DOCK9: variants seen among roughly 807,000 people sequenced by gnomAD.
The protein encoded by DOCK9 is dedicator of cytokinesis 9, also known as dedicator of cytokinesis protein 9.
DOCK9 carries 89 observed loss-of-function variants against 263.3 expected under a neutral mutation model. The observed-to-expected ratio is 0.34, with a 90% CI of 0.28 to 0.40. The LOEUF (loss-of-function observed/expected upper bound fraction) is 0.40, where lower values mean the gene tolerates loss of function less well. DOCK9 is among the 10% of genes least tolerant of loss of function. DOCK9 has a pLI of 1.00. For synonymous variants in DOCK9, 976 were observed against 973.1 expected, an observed-to-expected ratio of 1.00 and a Z score of -0.06; for missense variants, 2,140 against 2,603.4, an observed-to-expected ratio of 0.82 and a Z score of 3.87.
At chr13:98,850,388 T>C (rs2093528405) in intron 35 of DOCK9, among the ~76,000 whole-genome samples, 1 of 152,230 alleles carries the variant, frequency 6.6e-6, no homozygotes, top group African/African-American at 2.4e-5. Flanking sequence ...ATTTAACTTA[T>C]TCGTAACATG....
chr13:98,867,982 A>G lies in DOCK9; in HGVS notation c.3120T>C (p.Phe1040=). 1 of 1,613,792 alleles carries G rather than the reference A, an allele frequency of 6.2e-7. No individual in the cohort carries two copies. Among genetic ancestry groups the G allele is most frequent in the Non-Finnish European group, 8.5e-7 (1 of 1,179,828 alleles). The change falls in exon 29 of 53, where the codon TTT becomes TTC. Residue 1040 remains phenylalanine, a synonymous_variant. Transcript: ENST00000682017. ...TGTAGTTGTTGATCTGCTTGAAGAC[A>G]AAGCCCCTGTCCATGAAGGTGAAAC... The part of the protein sequence containing the change: ...KRCFTFMDRG[F]VFKQINNYIS...
intron 1 of DOCK9, among the ~76,000 whole-genome samples, chr13:99,013,421 A>C (rs1483645698): frequency 6.6e-6 from 1 of 152,194 alleles, no homozygotes; most frequent in Non-Finnish European, 1.5e-5. Flanking sequence ...CTGGCCATGA[A>C]TCTTGTTCTT....
At chr13:99,000,536 C>T (rs1183832100) in intron 1 of DOCK9, among the ~76,000 whole-genome samples, 3 of 152,058 alleles carry the variant, frequency 2.0e-5, no homozygotes, top group Non-Finnish European at 4.4e-5. Context: ...CACAGTTAAA[C>T]ATTTGAAATT....
At chr13:98,922,375 T>C (rs1272298159) in intron 5 of DOCK9, among the ~76,000 whole-genome samples, 1 of 152,174 alleles carries the variant, frequency 6.6e-6, no homozygotes, top group African/African-American at 2.4e-5. Flanking sequence ...AAGGCAAAGC[T>C]AGCTCCTGTC....
chr13:98,825,839 G>T lies in DOCK9; in HGVS notation c.5023+991C>A. Reference sequence around the variant, plus strand: ...GGAGGGCACGTGACCAGGGCAGGGGGTCCCCGGGGGCTGGGCTGATCCTCA... The same window carrying T: ...GGAGGGCACGTGACCAGGGCAGGGGTTCCCCGGGGGCTGGGCTGATCCTCA... On this transcript the variant is annotated intron_variant, in intron 44 of 52. Coordinates refer to ENST00000682017, the MANE Select transcript of DOCK9 (RefSeq NM_001366683.2). This position sits in a 1 kb window ranked among gnomAD's most constrained non-coding sequence, Gnocchi z 4.1. The T allele has an allele frequency of 6.9e-7, 1 of 1,441,338 alleles. No homozygotes were observed. 89.3% of individuals were successfully genotyped at this position (1,441,338 alleles called of 1,614,324 possible).
In DOCK9 at chr13:98,802,008, C is replaced by G. The variant is rs2090168702; in HGVS notation, c.5726-1530G>C. 2.0e-5 allele frequency among the ~76,000 whole-genome samples: 3 copies of G among 152,156 alleles called. No homozygotes were observed. In the South Asian group the frequency reaches 6.2e-4, roughly 31 times the overall value. The stretch of plus-strand genomic sequence containing the variant: ...GTAGCACTGGGGATCCACAAAGCTC[C>G]CTGGTAGGATGGTGAGGACTCGGCC... On this transcript the variant is annotated intron_variant, in intron 49 of 52. Transcript: ENST00000682017.
intron 27 of DOCK9, among the ~76,000 whole-genome samples, chr13:98,872,675 G>C (rs1371479607): frequency 6.6e-6 from 1 of 152,040 alleles, no homozygotes; most frequent in African/African-American, 2.4e-5. Flanking sequence ...CAAAGTGCTG[G>C]GATTACAGAT....
intron 11 of DOCK9, 111 bp from the exon 12 acceptor site, chr13:98,902,602 C>A (rs767918458): frequency 1.3e-5 from 13 of 978,308 alleles, no homozygotes; most frequent in Non-Finnish European, 2.0e-5. Context: ...CCATAAATTA[C>A]TACTAAACAG....
chr13:99,058,899 AC>A (rs760873024), intron 1 of DOCK9, among the ~76,000 whole-genome samples: 20 of 152,198 alleles, frequency 1.3e-4, no homozygotes, highest in Non-Finnish European at 2.2e-4. Context: ...CTCTGCATGT[AC>A]ACCCCACTTC....
intron 1 of DOCK9, among the ~76,000 whole-genome samples, chr13:99,078,540 G>C (rs1328266923): frequency 6.6e-6 from 1 of 152,150 alleles, no homozygotes; most frequent in African/African-American, 2.4e-5. Context: ...AGGAAGCAGA[G>C]GCAGACCAGC....
intron 10 of DOCK9, among the ~76,000 whole-genome samples, chr13:98,903,625 A>G: frequency 6.8e-6 from 1 of 147,220 alleles, no homozygotes; most frequent in East Asian, 1.9e-4. Context: ...AAAAAGACAA[A>G]AAAAAAAAGA....
At chr13:99,009,254 TTATGACACAGGAAA>T (rs1884044299) in intron 1 of DOCK9, among the ~76,000 whole-genome samples, 1 of 152,332 alleles carries the variant, frequency 6.6e-6, no homozygotes, top group South Asian at 2.1e-4. Context: ...GCAATCTTAG[TTATGACACAGGAAA>T]TGGATCAAGG....
chr13:99,060,718 C>A (rs1020491572), intron 1 of DOCK9, among the ~76,000 whole-genome samples: 3 of 152,160 alleles, frequency 2.0e-5, no homozygotes, highest in African/African-American at 4.8e-5. Flanking sequence ...CATCACAGGG[C>A]ACCCCACACA....
intron 35 of DOCK9, among the ~76,000 whole-genome samples, chr13:98,852,576 C>T (rs1386642527): frequency 6.6e-6 from 1 of 152,166 alleles, no homozygotes; most frequent in East Asian, 1.9e-4. Flanking sequence ...CACAAGAGGC[C>T]TTCAGGTTCT....
At chr13:98,953,386 A>C (rs553432583) in intron 2 of DOCK9, among the ~76,000 whole-genome samples, 1 of 152,360 alleles carries the variant, frequency 6.6e-6, no homozygotes, top group African/African-American at 2.4e-5. Flanking sequence ...GGGACACAGA[A>C]GTTTTCTCAA....
intron 18 of DOCK9, among the ~76,000 whole-genome samples, chr13:98,887,615 C>CAAAA (rs58976892): frequency 0.011 from 395 of 37,204 alleles, 41 homozygotes; most frequent in Admixed American, 0.011. Flanking sequence ...GACTCCATCT[C>CAAAA]AAAAAAAAAA....
At chr13:98,892,498 T>G (rs2046778148) in intron 15 of DOCK9, among the ~76,000 whole-genome samples, 1 of 151,130 alleles carries the variant, frequency 6.6e-6, no homozygotes. Flanking sequence ...TGGTGTCACT[T>G]AAAAAAAAAC....
At chr13:98,900,486 C>A (rs1029187466) in intron 13 of DOCK9, among the ~76,000 whole-genome samples, 3 of 152,188 alleles carry the variant, frequency 2.0e-5, no homozygotes, top group African/African-American at 7.2e-5. Context: ...CTCCAGAGAC[C>A]AAACTTTACA....
rs774995831 is a variant in DOCK9 at position 98,800,449 on chromosome 13, G to A, written c.5755C>T (p.Arg1919Cys). 1 of 1,613,978 alleles carries A rather than the reference G, an allele frequency of 6.2e-7. No homozygotes were observed. The change falls in exon 50 of 53, where the codon CGC becomes TGC. Residue 1919 changes from arginine (R) to cysteine (C), a missense_variant. Physicochemically the swap from Arg to Cys is radical, Grantham distance 180. This residue lies in a region of DOCK9 where 619 missense variants were observed against 861.8 expected (regional missense o/e 0.72). Coordinates refer to ENST00000682017, the MANE Select transcript of DOCK9 (RefSeq NM_001366683.2). ...TGGTGCTGGTACATGACAGGGATGC[G>A]CTTCTTCACATAAGGGAAGCAGTGT... ...AIHCFPYVKK[R>C]IPVMYQHHTD...
Sources: gnomAD v4.1 joint callset for allele counts (sites outside exome capture counted in the v4.1 genomes callset) on GRCh38, gnomAD v4.1.1 for gene constraint, gnomAD v4.1.1 regional missense constraint, Gnocchi (gnomAD v3.1) non-coding constraint, MANE v1.5 for transcripts, NCBI Gene and HGNC (gene_info 2026-07-23, HGNC 2026-07-21) for gene names.